CDH18: variants seen among roughly 807,000 people sequenced by gnomAD.
The protein encoded by CDH18 is cadherin 18.
In CDH18, 31 loss-of-function variants were observed where a neutral mutation model predicts 67.9. That is an observed-to-expected ratio of 0.46 (90% CI 0.34 to 0.62). CDH18 has a LOEUF of 0.62. Among genes scored for constraint, CDH18 ranks in the 20% least tolerant of loss-of-function variants. CDH18 has a pLI of 0.01. For missense variants in CDH18, 890 were observed against 975.5 expected (o/e 0.91, Z 1.17); for synonymous variants, 362 against 347.2 (o/e 1.04, Z -0.48).
At chr5:20,453,019 C>G (rs1171975344) in intron 1 of CDH18, among the ~76,000 whole-genome samples, 1 of 152,114 alleles carries the variant, frequency 6.6e-6, no homozygotes, top group Non-Finnish European at 1.5e-5. Context: ...CTCCATTACC[C>G]CTAAATCAGC....
intron 5 of CDH18, among the ~76,000 whole-genome samples, chr5:19,620,297 C>T (rs904551891): frequency 1.3e-5 from 2 of 152,130 alleles, no homozygotes; most frequent in African/African-American, 2.4e-5. Flanking sequence ...AGGGTATATA[C>T]GTCGTGTATT....
At chr5:20,035,404 G>C (rs1278541292) in intron 2 of CDH18, among the ~76,000 whole-genome samples, 1 of 151,992 alleles carries the variant, frequency 6.6e-6, no homozygotes, top group Admixed American at 6.6e-5. Context: ...CTGCTATAAA[G>C]AACTGCTTGA....
intron 1 of CDH18, among the ~76,000 whole-genome samples, chr5:20,568,722 G>A (rs766082731): frequency 6.9e-4 from 105 of 152,122 alleles, no homozygotes; most frequent in Admixed American, 1.0e-3. Context: ...CTATTCCTCC[G>A]AGGACTACTA....
At chr5:20,286,770 T>G (rs1317758975) in intron 1 of CDH18, among the ~76,000 whole-genome samples, 5 of 151,730 alleles carry the variant, frequency 3.3e-5, no homozygotes, top group South Asian at 4.1e-4. Context: ...CTATGGTGAC[T>G]AAGTTTATGA....
intron 2 of CDH18, among the ~76,000 whole-genome samples, chr5:19,917,234 A>C (rs919445121): frequency 1.3e-5 from 2 of 152,128 alleles, no homozygotes; most frequent in Admixed American, 1.3e-4. Flanking sequence ...TGTATAGTAA[A>C]CAGAACCCAT....
chr5:20,141,064 A>G (rs1180347953), intron 2 of CDH18, among the ~76,000 whole-genome samples: 2 of 152,098 alleles, frequency 1.3e-5, no homozygotes, highest in Non-Finnish European at 2.9e-5. Context: ...ATTTCCAGCC[A>G]TGTAATTTAC....
chr5:19,506,086 A>C (rs1020911764), intron 10 of CDH18, among the ~76,000 whole-genome samples: 3 of 151,856 alleles, frequency 2.0e-5, no homozygotes, highest in Admixed American at 2.0e-4. Flanking sequence ...TTTCAAATCA[A>C]TGTGGAAAAA....
intron 3 of CDH18, among the ~76,000 whole-genome samples, chr5:19,836,231 A>G (rs547295335): frequency 6.6e-6 from 1 of 152,312 alleles, no homozygotes; most frequent in East Asian, 1.9e-4. Flanking sequence ...AATTTCAAGG[A>G]TGGAAAGGAT....
intron 5 of CDH18, among the ~76,000 whole-genome samples, chr5:19,635,417 C>T (rs1266274373): frequency 6.6e-6 from 1 of 152,146 alleles, no homozygotes; most frequent in African/African-American, 2.4e-5. Flanking sequence ...AAGTCATCTT[C>T]TCATAGTTTA....
chr5:19,713,188 CT>C (rs970175785), intron 5 of CDH18, among the ~76,000 whole-genome samples: 2 of 151,870 alleles, frequency 1.3e-5, no homozygotes, highest in Admixed American at 1.3e-4. Flanking sequence ...GTAAATTTAT[CT>C]TTTATTAGGA....
intron 2 of CDH18, among the ~76,000 whole-genome samples, chr5:20,012,706 T>C (rs1737556330): frequency 6.6e-6 from 1 of 152,104 alleles, no homozygotes; most frequent in African/African-American, 2.4e-5. Context: ...ATATATACCA[T>C]GGAATACTAT....
At chr5:19,980,771 A>T (rs1337294903) in intron 2 of CDH18, among the ~76,000 whole-genome samples, 7 of 152,162 alleles carry the variant, frequency 4.6e-5, no homozygotes, top group Non-Finnish European at 1.0e-4. Flanking sequence ...TCTCCCTGCA[A>T]CGCTACAGTT....
At chr5:19,719,018 C>T (rs1283854580) in intron 5 of CDH18, among the ~76,000 whole-genome samples, 1 of 151,946 alleles carries the variant, frequency 6.6e-6, no homozygotes, top group Non-Finnish European at 1.5e-5. Flanking sequence ...ACTATTAGAG[C>T]ATTGGTCTCA....
chr5:20,279,179 C>T (rs928168539), intron 1 of CDH18, among the ~76,000 whole-genome samples: 2 of 151,720 alleles, frequency 1.3e-5, no homozygotes, highest in African/African-American at 2.4e-5. Context: ...CAAAGACACA[C>T]ATAGACTGAA....
chr5:19,833,365 G>C (rs1446172360), intron 3 of CDH18, among the ~76,000 whole-genome samples: 2 of 152,032 alleles, frequency 1.3e-5, no homozygotes, highest in African/African-American at 4.8e-5. Context: ...TTTGCATATC[G>C]ATTTTGTATC....
intron 1 of CDH18, among the ~76,000 whole-genome samples, chr5:20,504,215 C>A (rs1754518840): frequency 6.6e-6 from 1 of 151,032 alleles, no homozygotes; most frequent in Non-Finnish European, 1.5e-5. Context: ...GGTCATCCAG[C>A]CACCCAGGTT....
At chr5:19,663,855 G>A (rs1395713059) in intron 5 of CDH18, among the ~76,000 whole-genome samples, 1 of 150,476 alleles carries the variant, frequency 6.6e-6, no homozygotes, top group Admixed American at 6.7e-5. Context: ...ATTTATCCTT[G>A]CATAAGATAC....
chr5:20,422,091 T>C (rs1747912433), intron 1 of CDH18, among the ~76,000 whole-genome samples: 1 of 151,142 alleles, frequency 6.6e-6, no homozygotes, highest in Non-Finnish European at 1.5e-5. Flanking sequence ...CAAATGTGTA[T>C]GGTATGAAAA....
chr5:20,042,682 G>A (rs937002171), intron 2 of CDH18, among the ~76,000 whole-genome samples: 3 of 152,048 alleles, frequency 2.0e-5, no homozygotes, highest in Non-Finnish European at 4.4e-5. Flanking sequence ...ACATTTTATG[G>A]GCCGGGTGCG....
Sources: gnomAD v4.1 joint callset for allele counts (sites outside exome capture counted in the v4.1 genomes callset) on GRCh38, gnomAD v4.1.1 for gene constraint, MANE v1.5 for transcripts, NCBI Gene and HGNC (gene_info 2026-07-23, HGNC 2026-07-21) for gene names.